The following CHST12 variants were observed in gnomAD, a reference collection of about 807,000 sequenced individuals.
The protein encoded by CHST12 is carbohydrate (chondroitin 4) sulfotransferase 12.
Under a neutral mutation model 27.9 loss-of-function variants are expected in CHST12, and 23 were observed. The observed-to-expected ratio is 0.82, with a 90% CI of 0.59 to 1.17. The LOEUF is 1.17. Among genes scored for constraint, CHST12 ranks in the 50% most tolerant of loss-of-function variants. The pLI, the probability that CHST12 is intolerant of heterozygous loss-of-function variation, is 0.00. For missense variants in CHST12, 682 were observed against 603.0 expected (o/e 1.13, Z -1.37); for synonymous variants, 322 against 273.0 (o/e 1.18, Z -1.77).
In CHST12 at chr7:2,433,230, C is replaced by G. The variant is rs761289366; in HGVS notation, c.591C>G (p.Arg197=). 2 of 1,611,946 alleles carry G rather than the reference C, an allele frequency of 1.2e-6. No homozygotes were observed. The highest frequency in any genetic ancestry group is 4.5e-5 in the East Asian group (2 of 44,840). Residue 197 remains arginine, a synonymous_variant, in exon 2 of 2, where the codon CGC becomes CGG. Transcript: ENST00000618655. The surrounding 1 kb of genome is among the most constrained non-coding windows in gnomAD (Gnocchi z 6.1). Reference sequence around the variant, plus strand: ...TGCTGCACCGCGGTGCGCCCTACCGCGACCCGCTGCGCATCCCGCGCGAGC... The same window carrying G: ...TGCTGCACCGCGGTGCGCCCTACCGGGACCCGCTGCGCATCCCGCGCGAGC... ...GSLLHRGAPY[R]DPLRIPREHV...
intron 1 of CHST12, among the ~76,000 whole-genome samples, chr7:2,405,392 C>G (rs1012465832): frequency 1.2e-4 from 18 of 151,992 alleles, no homozygotes; most frequent in African/African-American, 4.4e-4. Context: ...TGCAGTGAGC[C>G]GACACTGGGC....
intron 1 of CHST12, among the ~76,000 whole-genome samples, chr7:2,427,145 A>C (rs1295821546): frequency 2.0e-5 from 3 of 152,032 alleles, no homozygotes; most frequent in Non-Finnish European, 4.4e-5. Flanking sequence ...AGATCATGCC[A>C]CTGCACTCCG....
Position 2,442,897 on chromosome 7 carries a change from T to C in CHST12, c.*9013T>C, listed in dbSNP as rs1339821216. Reference sequence around the variant, plus strand: ...CAGGGTTCTCCATGCAACAATCTAATGCCTGATGATCTGAAGTGGAACAGG... The same window carrying C: ...CAGGGTTCTCCATGCAACAATCTAACGCCTGATGATCTGAAGTGGAACAGG... On this transcript the variant is annotated 3_prime_UTR_variant, in exon 2 of 2. Coordinates refer to ENST00000618655, the MANE Select transcript of CHST12 (RefSeq NM_018641.5). 1 of 152,158 alleles carries C rather than the reference T, an allele frequency of 6.6e-6. No homozygotes were observed. The highest frequency in any genetic ancestry group is 2.4e-5 in the African/African-American group (1 of 41,438). The allele number at this position is 152,158 out of a possible 1,614,324, so 9.4% of individuals were successfully genotyped here. A position where few individuals can be genotyped will look rare whatever the true frequency, so the allele number is the denominator to read the frequency against.
chr7:2,422,281 G>A (rs1314173722), intron 1 of CHST12, among the ~76,000 whole-genome samples: 1 of 149,200 alleles, frequency 6.7e-6, no homozygotes, highest in Non-Finnish European at 1.5e-5. Flanking sequence ...TTTCCCTCTT[G>A]TGGCCCAGGC....
At position 2,434,579 on chromosome 7, in the gene CHST12, TAAAAAAAAAAAAAAAA is replaced by T. The variant is rs869123293; in HGVS notation, c.*717_*732del. 21 of 20,968 alleles carry T rather than the reference TAAAAAAAAAAAAAAAA, an allele frequency of 1.0e-3. No individual in the cohort carries two copies. Among genetic ancestry groups the T allele is most frequent in the South Asian group, 2.6e-3 (1 of 384 alleles). The allele number at this position is 20,968 out of a possible 1,614,324, so 1.3% of individuals were successfully genotyped here. On this transcript the variant is annotated 3_prime_UTR_variant, in exon 2 of 2. Transcript: ENST00000618655. ...CAACATGGTGAAACCCTGTCTCTAC[TAAAAAAAAAAAAAAAA>T]AAAAAAAAAAAAAAAAAAAAATGAG...
At chr7:2,431,966 G>A (rs991078749) in intron 1 of CHST12, among the ~76,000 whole-genome samples, 1 of 151,804 alleles carries the variant, frequency 6.6e-6, no homozygotes, top group African/African-American at 2.4e-5. Context: ...AGATTACAGA[G>A]CTCACTGATC....
At chr7:2,421,172 C>T (rs1274176490) in intron 1 of CHST12, among the ~76,000 whole-genome samples, 2 of 151,850 alleles carry the variant, frequency 1.3e-5, no homozygotes, top group African/African-American at 4.8e-5. Flanking sequence ...ATCCTCTTGC[C>T]TCAGCCTCCT....
At position 2,434,169 on chromosome 7, in the gene CHST12, G is replaced by A. The variant is rs2969077; in HGVS notation, c.*285G>A. The A allele has an allele frequency of 2.3e-5, 6 of 259,892 alleles. No individual in the cohort carries two copies. The highest frequency in any genetic ancestry group is 8.6e-5 in the East Asian group (1 of 11,660). 16.1% of individuals were successfully genotyped at this position (259,892 alleles called of 1,614,324 possible). A position where few individuals can be genotyped will look rare whatever the true frequency, so the allele number is the denominator to read the frequency against. ...CTGTGGTTTTTCTGAGCGTGCGGGCGCCGGGAGGGGATGCTGAGGCTGATG... is the reference window on the plus strand; with the variant it reads ...CTGTGGTTTTTCTGAGCGTGCGGGCACCGGGAGGGGATGCTGAGGCTGATG... On this transcript the variant is annotated 3_prime_UTR_variant, in exon 2 of 2. Transcript: ENST00000618655.
At chr7:2,408,770 CTG>C (rs1781591243) in intron 1 of CHST12, among the ~76,000 whole-genome samples, 1 of 152,148 alleles carries the variant, frequency 6.6e-6, no homozygotes, top group Non-Finnish European at 1.5e-5. Context: ...TAAGTCTAGA[CTG>C]AGAGAGACTG....
At chr7:2,429,377 CT>C (rs899251768) in intron 1 of CHST12, among the ~76,000 whole-genome samples, 1 of 150,966 alleles carries the variant, frequency 6.6e-6, no homozygotes, top group South Asian at 2.1e-4. Flanking sequence ...CGCCCGGCCT[CT>C]TTTTTTTTGT....
intron 1 of CHST12, among the ~76,000 whole-genome samples, chr7:2,410,490 A>G (rs1350981392): frequency 6.6e-6 from 1 of 152,212 alleles, no homozygotes; most frequent in East Asian, 1.9e-4. Context: ...TGGGTGACAC[A>G]GTGAGACACT....
intron 1 of CHST12, among the ~76,000 whole-genome samples, chr7:2,416,274 C>A (rs1474066925): frequency 6.6e-6 from 1 of 152,212 alleles, no homozygotes; most frequent in South Asian, 2.1e-4. Flanking sequence ...TTCTACTTCT[C>A]TTGCTGTTTC....
At position 2,428,460 on chromosome 7, in the gene CHST12, C is replaced by T. The variant is rs184291906; in HGVS notation, c.-77-4103C>T. 6.5e-3 allele frequency among the ~76,000 whole-genome samples: 984 copies of T among 152,190 alleles called. 8 individuals are homozygous for T. Among genetic ancestry groups the T allele is most frequent in the African/African-American group, 0.022 (930 of 41,510 alleles). On this transcript the variant is annotated intron_variant, in intron 1 of 1. Transcript: ENST00000618655. ...TTTGTTCCCAGGCGGATCAGCAGGT[C>T]GAGAAATAATAGACACACACAAGAC...
Position 2,434,693 on chromosome 7 carries a change from G to A in CHST12, c.*809G>A, listed in dbSNP as rs1403233688. On this transcript the variant is annotated 3_prime_UTR_variant, in exon 2 of 2. Coordinates refer to ENST00000618655, the MANE Select transcript of CHST12 (RefSeq NM_018641.5). ...GAGATGGAAAGATTGCTTGAACCCA[G>A]GAGGCAGAGGCTGCAGTGAGCTGAG... The A allele has an allele frequency of 6.7e-6, 1 of 150,084 alleles. No individual in the cohort carries two copies. Among genetic ancestry groups the A allele is most frequent in the African/African-American group, 2.4e-5 (1 of 40,918 alleles). The allele number at this position is 150,084 out of a possible 1,614,324, so 9.3% of individuals were successfully genotyped here.
chr7:2,425,430 C>T (rs1006017080), intron 1 of CHST12, among the ~76,000 whole-genome samples: 1 of 152,068 alleles, frequency 6.6e-6, no homozygotes, highest in Non-Finnish European at 1.5e-5. Flanking sequence ...TCACCTTTTA[C>T]CCTCCACCCC....
In CHST12 at chr7:2,443,668, T is replaced by G. The variant is rs1435030907; in HGVS notation, c.*9784T>G. ...ACAGTCGGGACTCTGCAGCCGAGTT[T>G]GCCTCCTTGAATGCACACATAACAC... On this transcript the variant is annotated 3_prime_UTR_variant, in exon 2 of 2. Coordinates refer to ENST00000618655, the MANE Select transcript of CHST12 (RefSeq NM_018641.5). 1 of 152,204 alleles carries G rather than the reference T, an allele frequency of 6.6e-6. No homozygotes were observed. The highest frequency in any genetic ancestry group is 1.9e-4 in the East Asian group (1 of 5,200). The allele number at this position is 152,204 out of a possible 1,614,324, so 9.4% of individuals were successfully genotyped here.
rs1782537661 is a variant in CHST12 at position 2,438,889 on chromosome 7, G to C, written c.*5005G>C. 1 of 152,338 alleles carries C rather than the reference G, an allele frequency of 6.6e-6. No individual in the cohort carries two copies. Among genetic ancestry groups the C allele is most frequent in the Non-Finnish European group, 1.5e-5 (1 of 68,150 alleles). The allele number at this position is 152,338 out of a possible 1,614,324, so 9.4% of individuals were successfully genotyped here. ...TCCTGACCTGGACCCCTGAGACCCA[G>C]TGCTCTTAGCTGTGAGCCTCTGGGA... On this transcript the variant is annotated 3_prime_UTR_variant, in exon 2 of 2. Coordinates refer to ENST00000618655, the MANE Select transcript of CHST12 (RefSeq NM_018641.5).
intron 1 of CHST12, among the ~76,000 whole-genome samples, chr7:2,427,257 G>A (rs1375045486): frequency 1.3e-5 from 2 of 152,106 alleles, no homozygotes; most frequent in African/African-American, 4.8e-5. Flanking sequence ...ATAGCACTTT[G>A]CGAGGCCGAG....
At chr7:2,410,751 C>G (rs1042990707) in intron 1 of CHST12, among the ~76,000 whole-genome samples, 2 of 151,894 alleles carry the variant, frequency 1.3e-5, no homozygotes, top group African/African-American at 4.8e-5. Context: ...GGTGGATGAA[C>G]GGCAAGGAGA....
Sources: allele counts gnomAD v4.1 joint callset (sites outside exome capture counted in the v4.1 genomes callset), GRCh38; gene constraint gnomAD v4.1.1; non-coding constraint Gnocchi (gnomAD v3.1); transcripts MANE v1.5; gene names NCBI Gene and HGNC (gene_info 2026-07-23, HGNC 2026-07-21).